SERINC5: variants seen among roughly 807,000 people sequenced by gnomAD.
SERINC5 encodes chromosome 5 open reading frame 12.
Under a neutral mutation model 63.1 loss-of-function variants are expected in SERINC5, and 41 were observed. That is an observed-to-expected ratio of 0.65 (90% CI 0.51 to 0.84). The LOEUF (loss-of-function observed/expected upper bound fraction) is 0.84. SERINC5 is among the 40% of genes least tolerant of loss of function. SERINC5 has a pLI of 0.00. For missense variants in SERINC5, 523 were observed against 573.0 expected, an observed-to-expected ratio of 0.91 and a Z score of 0.89; for synonymous variants, 222 against 215.2, an observed-to-expected ratio of 1.03 and a Z score of -0.28.
In SERINC5 at chr5:80,138,822, A is replaced by T; in HGVS notation, c.*4841T>A. Reference sequence around the variant, plus strand: ...GACCTGATTAACATCTGAAGGCAACATCTCTGCAAAACAACTAACTTGAGT... The same window carrying T: ...GACCTGATTAACATCTGAAGGCAACTTCTCTGCAAAACAACTAACTTGAGT... On this transcript the variant is annotated 3_prime_UTR_variant, in exon 12 of 12. Coordinates refer to ENST00000507668, the MANE Select transcript of SERINC5 (RefSeq NM_001174072.3). 1.0e-6 allele frequency: 1 copy of T among 984,612 alleles called. No individual in the cohort carries two copies. Among genetic ancestry groups the T allele is most frequent in the Non-Finnish European group, 1.2e-6 (1 of 829,188 alleles). The allele number at this position is 984,612 out of a possible 1,614,324, so 61.0% of individuals were successfully genotyped here. A position where few individuals can be genotyped will look rare whatever the true frequency, so the allele number is the denominator to read the frequency against.
At chr5:80,164,340 G>A (rs570875922) in intron 7 of SERINC5, among the ~76,000 whole-genome samples, 1 of 150,600 alleles carries the variant, frequency 6.6e-6, no homozygotes, top group South Asian at 2.1e-4. Flanking sequence ...GGTTTTTTTG[G>A]GGGGGAGGGG....
chr5:80,160,444 C>T (rs971720334), intron 7 of SERINC5, among the ~76,000 whole-genome samples: 1 of 152,196 alleles, frequency 6.6e-6, no homozygotes, highest in Non-Finnish European at 1.5e-5. Context: ...AAGTAACACT[C>T]TAGAAACCAC....
intron 7 of SERINC5, among the ~76,000 whole-genome samples, chr5:80,159,592 G>C (rs1240063492): frequency 6.6e-6 from 1 of 152,138 alleles, no homozygotes; most frequent in Non-Finnish European, 1.5e-5. Flanking sequence ...CAGCCCCTAG[G>C]TAGCCTCAGG....
chr5:80,231,558 T>TCATG (rs1751439109), intron 1 of SERINC5, among the ~76,000 whole-genome samples: 1 of 151,670 alleles, frequency 6.6e-6, no homozygotes, highest in South Asian at 2.1e-4. Context: ...ACCTCCAGCG[T>TCATG]CATGACCACC....
chr5:80,224,932 T>C (rs1197263196), intron 1 of SERINC5, among the ~76,000 whole-genome samples: 42 of 72,428 alleles, frequency 5.8e-4, no homozygotes, highest in South Asian at 1.5e-3. Context: ...CGTTTTTTTT[T>C]TTGTTTTTTT....
chr5:80,119,368 G>A (rs1483537872), intron 11 of SERINC5, among the ~76,000 whole-genome samples: 1 of 152,180 alleles, frequency 6.6e-6, no homozygotes, highest in Non-Finnish European at 1.5e-5. Flanking sequence ...GGCCTAGACA[G>A]CCAATATCAC....
intron 9 of SERINC5, among the ~76,000 whole-genome samples, chr5:80,147,674 C>CTCCCCT (rs913423606): frequency 3.3e-5 from 5 of 151,104 alleles, no homozygotes; most frequent in Middle Eastern, 3.4e-3. Flanking sequence ...CCAATTTTGC[C>CTCCCCT]TCCCCTTCCC....
chr5:80,224,444 T>A (rs1751074481), intron 1 of SERINC5, among the ~76,000 whole-genome samples: 2 of 151,838 alleles, frequency 1.3e-5, no homozygotes, highest in South Asian at 4.1e-4. Flanking sequence ...ACCACTGCAC[T>A]CCAGCCTGGG....
At chr5:80,147,106 A>G (rs763634535) in intron 10 of SERINC5, 139 bp downstream of exon 10, 27 of 741,388 alleles carry the variant, frequency 3.6e-5, no homozygotes, top group African/African-American at 1.4e-4. Context: ...TGAAAAGTGT[A>G]TAAGTAGTAA....
chr5:80,116,851 C>T lies in SERINC5; in HGVS notation c.1239-3226G>A, dbSNP rs988485786. Among the ~76,000 whole-genome samples, 12 of 149,586 alleles carry T rather than the reference C, an allele frequency of 8.0e-5. 1 individual carries two copies. Among genetic ancestry groups the T allele is most frequent in the African/African-American group, 2.7e-4 (11 of 40,384 alleles). On this transcript the variant is annotated intron_variant, in intron 11 of 12. Coordinates refer to the SERINC5 transcript ENST00000509193. ...GAGAGCTCTTTTTTTTTTTTTTAGA[C>T]GGGGTCTTGCTCTCTCGCCCAGGCT...
chr5:80,249,773 G>A (rs1437453794), intron 1 of SERINC5, among the ~76,000 whole-genome samples: 1 of 152,036 alleles, frequency 6.6e-6, no homozygotes, highest in East Asian at 1.9e-4. Context: ...TTGCACTCCA[G>A]CCTCGGCAAC....
At position 80,241,477 on chromosome 5, in the gene SERINC5, T is replaced by G. The variant is rs140998027; in HGVS notation, c.27+14419A>C. ...AGCAAGACTCCGTCTCAAATAATAATAAGAAGAAGAAATAAAAAGGCATAT... is the reference window on the plus strand; with the variant it reads ...AGCAAGACTCCGTCTCAAATAATAAGAAGAAGAAGAAATAAAAAGGCATAT... On this transcript the variant is annotated intron_variant, in intron 1 of 11. Transcript: ENST00000507668. Among the ~76,000 whole-genome samples the G allele has an allele frequency of 1.0e-3, 156 of 151,550 alleles. 2 individuals are homozygous for G. Among genetic ancestry groups the G allele is most frequent in the East Asian group, 9.7e-4 (5 of 5,154 alleles).
intron 1 of SERINC5, among the ~76,000 whole-genome samples, chr5:80,219,497 A>T (rs1430680122): frequency 6.6e-6 from 1 of 152,052 alleles, no homozygotes; most frequent in African/African-American, 2.4e-5. Context: ...TCCCCCAAAC[A>T]AATAGCCGCT....
chr5:80,125,313 A>G (rs1219264230), intron 11 of SERINC5, among the ~76,000 whole-genome samples: 1 of 152,216 alleles, frequency 6.6e-6, no homozygotes, highest in East Asian at 1.9e-4. Context: ...TATGGCCTAA[A>G]TCAGATGAGA....
intron 2 of SERINC5, among the ~76,000 whole-genome samples, chr5:80,200,835 T>G (rs1376794468): frequency 6.6e-6 from 1 of 152,010 alleles, no homozygotes; most frequent in East Asian, 1.9e-4. Flanking sequence ...GGCTCACGCA[T>G]GTAATCCCAG....
intron 1 of SERINC5, among the ~76,000 whole-genome samples, chr5:80,231,316 C>CAT (rs1329650151): frequency 1.3e-5 from 2 of 152,222 alleles, no homozygotes; most frequent in East Asian, 3.8e-4. Context: ...CTGACAACCC[C>CAT]ATTACTCAGG....
Position 80,235,321 on chromosome 5 carries a change from C to T in SERINC5, c.27+20575G>A, listed in dbSNP as rs558623202. Among the ~76,000 whole-genome samples the T allele has an allele frequency of 2.6e-5, 4 of 152,238 alleles. No homozygotes were observed. The South Asian group carries it at 6.2e-4, about 24-fold the overall frequency. On this transcript the variant is annotated intron_variant, in intron 1 of 11. Coordinates refer to ENST00000507668, the MANE Select transcript of SERINC5 (RefSeq NM_001174072.3). The stretch of plus-strand genomic sequence containing the variant: ...CCATTGTTAATTTCATTCTTTTTAA[C>T]GGCAACATATTTCATTGTATGAAAG...
intron 11 of SERINC5, among the ~76,000 whole-genome samples, chr5:80,133,608 T>G (rs1293247373): frequency 1.3e-5 from 2 of 152,340 alleles, no homozygotes; most frequent in Non-Finnish European, 1.5e-5. Flanking sequence ...TAGCAGCGTG[T>G]TCTAAAATCA....
At chr5:80,126,635 T>G (rs1257211055) in intron 11 of SERINC5, among the ~76,000 whole-genome samples, 1 of 152,266 alleles carries the variant, frequency 6.6e-6, no homozygotes, top group Non-Finnish European at 1.5e-5. Context: ...TCTAAAACAC[T>G]GTTCTGCACA....
Sources: allele counts gnomAD v4.1 joint callset (sites outside exome capture counted in the v4.1 genomes callset), GRCh38; gene constraint gnomAD v4.1.1; transcripts MANE v1.5; gene names NCBI Gene and HGNC (gene_info 2026-07-23, HGNC 2026-07-21).